Variants in CADM2 observed in about 807,000 individuals in gnomAD.
CADM2 encodes cell adhesion molecule 2.
In CADM2, 12 loss-of-function variants were observed where a neutral mutation model predicts 49.8. The observed-to-expected ratio is 0.24, with a 90% CI of 0.15 to 0.39. The LOEUF (loss-of-function observed/expected upper bound fraction) is 0.39, where lower values mean the gene tolerates loss of function less well. CADM2 is among the 10% of genes least tolerant of loss of function. The pLI is 1.00. For missense variants in CADM2, 378 were observed against 492.3 expected, an observed-to-expected ratio of 0.77 and a Z score of 2.20; for synonymous variants, 214 against 175.4, an observed-to-expected ratio of 1.22 and a Z score of -1.74.
At chr3:86,021,886 G>C (rs539817955) in intron 8 of CADM2, among the ~76,000 whole-genome samples, 27 of 152,216 alleles carry the variant, frequency 1.8e-4, no homozygotes, top group African/African-American at 6.5e-4. Context: ...TACAGGAAGA[G>C]CAAGTCTAGA....
chr3:85,726,359 T>C, intron 1 of CADM2, 163 bp from the exon 2 acceptor site: 1 of 737,052 alleles, frequency 1.4e-6, no homozygotes, highest in Non-Finnish European at 2.3e-6. Context: ...TAACACTAAC[T>C]AAATGTAACA....
At chr3:85,805,754 C>G (rs1404550156) in intron 3 of CADM2, among the ~76,000 whole-genome samples, 2 of 152,176 alleles carry the variant, frequency 1.3e-5, no homozygotes, top group Non-Finnish European at 2.9e-5. Flanking sequence ...AGAAGGTGAG[C>G]ATGAGTTAGA....
At chr3:85,012,132 T>A (rs897436184) in intron 1 of CADM2, among the ~76,000 whole-genome samples, 92 of 150,904 alleles carry the variant, frequency 6.1e-4, no homozygotes, top group Non-Finnish European at 9.7e-4. Flanking sequence ...TTTTCAGTAA[T>A]AATTATGGGT....
intron 2 of CADM2, among the ~76,000 whole-genome samples, chr3:85,759,869 A>T (rs1201756745): frequency 1.3e-5 from 2 of 152,140 alleles, no homozygotes; most frequent in Non-Finnish European, 2.9e-5. Flanking sequence ...ACAGAATTAC[A>T]AAACTCTTTT....
At chr3:85,704,534 T>C (rs191539045) in intron 1 of CADM2, among the ~76,000 whole-genome samples, 10 of 152,100 alleles carry the variant, frequency 6.6e-5, no homozygotes, top group African/African-American at 2.2e-4. Context: ...AGAGAAGACA[T>C]AGAGAAAGCA....
chr3:85,183,432 C>G lies in CADM2; in HGVS notation c.61+223764C>G, dbSNP rs531056912. The stretch of plus-strand genomic sequence containing the variant: ...TTAACACATTTATTTAAGGAATTCA[C>G]AAAGAAAAAAAACACGCAATATGTT... On this transcript the variant is annotated intron_variant, in intron 1 of 9. Transcript: ENST00000383699. 2.6e-5 allele frequency among the ~76,000 whole-genome samples: 4 copies of G among 151,902 alleles called. No individual in the cohort carries two copies. In the East Asian group the frequency reaches 7.7e-4, roughly 29 times the overall value.
chr3:85,941,690 C>T (rs1415973733), intron 7 of CADM2, among the ~76,000 whole-genome samples: 3 of 151,898 alleles, frequency 2.0e-5, no homozygotes, highest in South Asian at 2.1e-4. Context: ...TAGTTTGATG[C>T]GTGTGGGAAA....
intron 3 of CADM2, among the ~76,000 whole-genome samples, chr3:85,875,062 A>G (rs1231634451): frequency 6.6e-6 from 1 of 152,198 alleles, no homozygotes; most frequent in African/African-American, 2.4e-5. Flanking sequence ...CTATGGTTTC[A>G]GTAAAAATTC....
chr3:85,395,240 G>A (rs1008308091), intron 1 of CADM2, among the ~76,000 whole-genome samples: 3 of 134,380 alleles, frequency 2.2e-5, no homozygotes, highest in Non-Finnish European at 3.0e-5. Flanking sequence ...TGAGGCTGAA[G>A]TGAGCTGTGA....
At chr3:85,687,622 T>G (rs2066254930) in intron 1 of CADM2, among the ~76,000 whole-genome samples, 1 of 152,202 alleles carries the variant, frequency 6.6e-6, no homozygotes, top group Non-Finnish European at 1.5e-5. Context: ...TTTGATCTAT[T>G]TTATTTTCTA....
chr3:85,471,176 G>C (rs918664920), intron 1 of CADM2, among the ~76,000 whole-genome samples: 2 of 152,032 alleles, frequency 1.3e-5, no homozygotes, highest in Non-Finnish European at 2.9e-5. Context: ...GCTCAGTTTC[G>C]CGTCATCACT....
chr3:85,364,240 T>G (rs2032579858), intron 1 of CADM2, among the ~76,000 whole-genome samples: 1 of 152,222 alleles, frequency 6.6e-6, no homozygotes, highest in Admixed American at 6.5e-5. Flanking sequence ...ACTATATCAA[T>G]TTTTATTTCT....
At chr3:85,108,293 G>C (rs779012400) in intron 1 of CADM2, among the ~76,000 whole-genome samples, 1 of 152,178 alleles carries the variant, frequency 6.6e-6, no homozygotes, top group Admixed American at 6.6e-5. Context: ...ATAGCCAATA[G>C]TTGGAAACAA....
intron 1 of CADM2, among the ~76,000 whole-genome samples, chr3:85,538,502 A>T (rs991941660): frequency 2.0e-5 from 3 of 152,146 alleles, no homozygotes; most frequent in Admixed American, 1.3e-4. Context: ...TGAAAGAGGA[A>T]AGAGACTGCT....
chr3:85,846,023 A>T (rs896146314), intron 3 of CADM2, among the ~76,000 whole-genome samples: 4 of 152,036 alleles, frequency 2.6e-5, no homozygotes, highest in African/African-American at 9.7e-5. Flanking sequence ...ACAGAGGAGG[A>T]TTCCAAATAA....
intron 1 of CADM2, among the ~76,000 whole-genome samples, chr3:85,514,182 G>C (rs1443627670): frequency 1.3e-5 from 2 of 151,932 alleles, no homozygotes. Flanking sequence ...TGAACTATCA[G>C]AATGATGTGC....
chr3:85,258,490 A>G, intron 1 of CADM2, among the ~76,000 whole-genome samples: 1 of 149,042 alleles, frequency 6.7e-6, no homozygotes, highest in Non-Finnish European at 1.5e-5. Flanking sequence ...AATACTCACA[A>G]AAAGAGGAGG....
intron 2 of CADM2, among the ~76,000 whole-genome samples, chr3:85,774,951 A>C (rs2070286163): frequency 6.6e-6 from 1 of 151,650 alleles, no homozygotes; most frequent in African/African-American, 2.4e-5. Flanking sequence ...AAATCTAGAA[A>C]ATACACATAC....
chr3:85,764,200 A>G (rs1036367699), intron 2 of CADM2, among the ~76,000 whole-genome samples: 1 of 152,272 alleles, frequency 6.6e-6, no homozygotes, highest in Non-Finnish European at 1.5e-5. Flanking sequence ...ATAAATATAA[A>G]ACATTTTTGT....
Sources: allele counts gnomAD v4.1 joint callset (sites outside exome capture counted in the v4.1 genomes callset), GRCh38; gene constraint gnomAD v4.1.1; transcripts MANE v1.5; gene names NCBI Gene and HGNC (gene_info 2026-07-23, HGNC 2026-07-21).